Variants in BPGM observed in about 807,000 individuals in gnomAD.
BPGM encodes the protein 2,3-bisphosphoglycerate mutase, erythrocyte.
BPGM carries 15 observed loss-of-function variants against 21.6 expected under a neutral mutation model. The observed-to-expected ratio is 0.70, with a 90% CI of 0.47 to 1.07. The LOEUF is 1.07. BPGM is among the 50% of genes least tolerant of loss of function. The probability of loss-of-function intolerance (pLI) is 0.00; values close to 1 mark genes in which losing one functional copy is unlikely to be tolerated. For missense variants in BPGM, 273 were observed against 319.0 expected, an observed-to-expected ratio of 0.86 and a Z score of 1.10; for synonymous variants, 113 against 116.2, an observed-to-expected ratio of 0.97 and a Z score of 0.18.
chr7:134,657,979 A>C (rs2131424258), intron 1 of BPGM, among the ~76,000 whole-genome samples: 1 of 152,328 alleles, frequency 6.6e-6, no homozygotes, highest in East Asian at 1.9e-4. Flanking sequence ...CCTTTAAGTC[A>C]GAGGTCATAA....
chr7:134,660,960 A>G (rs1227420331), intron 1 of BPGM, among the ~76,000 whole-genome samples: 1 of 152,212 alleles, frequency 6.6e-6, no homozygotes, highest in African/African-American at 2.4e-5. Flanking sequence ...TTGAAATAAC[A>G]TGTTTAATAA....
intron 1 of BPGM, among the ~76,000 whole-genome samples, chr7:134,656,859 A>C (rs1194953760): frequency 6.6e-6 from 1 of 152,228 alleles, no homozygotes; most frequent in Non-Finnish European, 1.5e-5. Context: ...TTTCAGCATC[A>C]ACCCAAAAGT....
At chr7:134,666,072 G>GT (rs1183245958) in intron 2 of BPGM, among the ~76,000 whole-genome samples, 1 of 151,874 alleles carries the variant, frequency 6.6e-6, no homozygotes, top group East Asian at 1.9e-4. Context: ...TAGAGATGGG[G>GT]TTTTGCCACG....
intron 2 of BPGM, among the ~76,000 whole-genome samples, chr7:134,664,937 G>A (rs1192401327): frequency 6.6e-6 from 1 of 152,210 alleles, no homozygotes; most frequent in Non-Finnish European, 1.5e-5. Flanking sequence ...AGAGGGTAGG[G>A]AGGATGGAAG....
chr7:134,666,933 G>T (rs1227186975), intron 2 of BPGM, among the ~76,000 whole-genome samples: 1 of 152,120 alleles, frequency 6.6e-6, no homozygotes, highest in African/African-American at 2.4e-5. Flanking sequence ...CATCATTTCT[G>T]TTAATTTAGT....
intron 2 of BPGM, among the ~76,000 whole-genome samples, chr7:134,674,216 T>A (rs1490040844): frequency 1.3e-5 from 2 of 152,154 alleles, no homozygotes; most frequent in Non-Finnish European, 2.9e-5. Flanking sequence ...CCCAGCCCTG[T>A]TTACTATTTT....
intron 2 of BPGM, among the ~76,000 whole-genome samples, chr7:134,678,196 G>T (rs924019136): frequency 2.6e-5 from 4 of 152,160 alleles, no homozygotes; most frequent in African/African-American, 7.2e-5. Context: ...AGGGCTAAAG[G>T]TGGCTTGTGT....
rs11408520 is a variant in BPGM at position 134,673,903 on chromosome 7, CT to C, written c.602-4928del. On this transcript the variant is annotated intron_variant, in intron 2 of 2. Coordinates refer to ENST00000344924, the MANE Select transcript of BPGM (RefSeq NM_001724.5). ...TATTTAACCACTCTGGATCTGTTTCCTTTTTTTTTTTTTTTTTTTTTTAAAT... is the reference window on the plus strand; with the variant it reads ...TATTTAACCACTCTGGATCTGTTTCCTTTTTTTTTTTTTTTTTTTTTAAAT... Among the ~76,000 whole-genome samples, 785 of 122,208 alleles carry C rather than the reference CT, an allele frequency of 6.4e-3. 5 individuals carry two copies. Among genetic ancestry groups the C allele is most frequent in the East Asian group, 0.024 (107 of 4,472 alleles). The allele number at this position is 122,208 out of a possible 152,430, so 80.2% of individuals were successfully genotyped here.
At chr7:134,647,410 G>GA (rs1446092803) in intron 1 of BPGM, among the ~76,000 whole-genome samples, 1 of 152,068 alleles carries the variant, frequency 6.6e-6, no homozygotes, top group Non-Finnish European at 1.5e-5. Flanking sequence ...AGAAGGAGGT[G>GA]AATATATGCA....
intron 2 of BPGM, among the ~76,000 whole-genome samples, chr7:134,673,892 G>A (rs1795944303): frequency 6.7e-6 from 1 of 149,798 alleles, no homozygotes; most frequent in Non-Finnish European, 1.5e-5. Flanking sequence ...TAACCACTCT[G>A]GATCTGTTTC....
chr7:134,658,937 T>C (rs1207556703), intron 1 of BPGM, among the ~76,000 whole-genome samples: 1 of 146,502 alleles, frequency 6.8e-6, no homozygotes, highest in African/African-American at 2.6e-5. Flanking sequence ...TTTAATGCAG[T>C]AAGCAAATAT....
At chr7:134,678,773 A>C (rs1796018132) in intron 2 of BPGM, 80 bp from the exon 3 acceptor site, 2 of 1,335,430 alleles carry the variant, frequency 1.5e-6, no homozygotes, top group Non-Finnish European at 2.2e-6. Context: ...AAATGGGATT[A>C]AAGTGCAGTT....
rs11550980 is a variant in BPGM, at chr7:134,679,584, A to T, written c.*553A>T. 6.5e-6 allele frequency: 1 copy of T among 153,390 alleles called. No homozygotes were observed. Among genetic ancestry groups the T allele is most frequent in the East Asian group, 1.9e-4 (1 of 5,198 alleles). The allele number at this position is 153,390 out of a possible 1,614,324, so 9.5% of individuals were successfully genotyped here. The stretch of plus-strand genomic sequence containing the variant: ...TCCAAGAAAGCCAACAACCACCACC[A>T]CAATGACAGAAATGACAACAAGGCC... On this transcript the variant is annotated 3_prime_UTR_variant, in exon 3 of 3. Transcript: ENST00000344924.
intron 1 of BPGM, among the ~76,000 whole-genome samples, chr7:134,653,270 G>T (rs1265922060): frequency 6.6e-6 from 1 of 152,128 alleles, no homozygotes; most frequent in Non-Finnish European, 1.5e-5. Flanking sequence ...TAAAAAATTT[G>T]CTATTTGGTG....
At chr7:134,665,908 C>T (rs1297584765) in intron 2 of BPGM, among the ~76,000 whole-genome samples, 1 of 150,852 alleles carries the variant, frequency 6.6e-6, no homozygotes, top group African/African-American at 2.5e-5. Flanking sequence ...GACAAAGTCT[C>T]GCTGTGTTGC....
Position 134,646,905 on chromosome 7 carries a change from CTG to C in BPGM, c.-93_-92del. On this transcript the variant is annotated 5_prime_UTR_variant, in exon 1 of 3. An upstream open reading frame in the 5' UTR loses its in-frame stop. Coordinates refer to ENST00000344924, the MANE Select transcript of BPGM (RefSeq NM_001724.5). ...TGGCGGCTCGGAGGAGCGGCTGCTG[CTG>C]CTGCTGCTGCTGCTGGTGGCCCCTT... The C allele has an allele frequency of 5.3e-6, 1 of 188,822 alleles. No homozygotes were observed. Among genetic ancestry groups the C allele is most frequent in the Non-Finnish European group, 1.1e-5 (1 of 87,652 alleles). 11.7% of individuals were successfully genotyped at this position (188,822 alleles called of 1,614,324 possible).
intron 1 of BPGM, among the ~76,000 whole-genome samples, chr7:134,650,668 A>T (rs981188341): frequency 6.6e-6 from 1 of 152,216 alleles, no homozygotes; most frequent in African/African-American, 2.4e-5. Flanking sequence ...CACGCCTGTA[A>T]TCCCAGCACT....
Position 134,679,142 on chromosome 7 carries a change from G to A in BPGM, c.*111G>A. Reference sequence around the variant, plus strand: ...CGATTTTCCAGAGCTAGGCTGTGGAGTAGAGTTTGTATAGGTAACTAGGTA... The same window carrying A: ...CGATTTTCCAGAGCTAGGCTGTGGAATAGAGTTTGTATAGGTAACTAGGTA... On this transcript the variant is annotated 3_prime_UTR_variant, in exon 3 of 3. Transcript: ENST00000344924. The A allele has an allele frequency of 8.0e-7, 1 of 1,254,512 alleles. No homozygotes were observed. Among genetic ancestry groups the A allele is most frequent in the Non-Finnish European group, 1.1e-6 (1 of 890,870 alleles). The allele number at this position is 1,254,512 out of a possible 1,614,324, so 77.7% of individuals were successfully genotyped here.
intron 1 of BPGM, among the ~76,000 whole-genome samples, chr7:134,656,383 T>A (rs530471655): frequency 6.6e-6 from 1 of 152,330 alleles, no homozygotes; most frequent in East Asian, 1.9e-4. Context: ...GTAAATTGCC[T>A]TATTAATAAT....
Sources: gnomAD v4.1 joint callset for allele counts (sites outside exome capture counted in the v4.1 genomes callset) on GRCh38, gnomAD v4.1.1 for gene constraint, MANE v1.5 for transcripts, NCBI Gene and HGNC (gene_info 2026-07-23, HGNC 2026-07-21) for gene names.